The following RASGRP3 variants were observed in gnomAD, a reference collection of about 807,000 sequenced individuals.
The protein encoded by RASGRP3 is RAS guanyl releasing protein 3, also known as ras guanyl-releasing protein 3.
In RASGRP3, 54 loss-of-function variants were observed where a neutral mutation model predicts 82.7. That is an observed-to-expected ratio of 0.65 (90% CI 0.52 to 0.82). RASGRP3 has a LOEUF of 0.82. Among genes scored for constraint, RASGRP3 ranks in the 40% least tolerant of loss-of-function variants. The pLI, the probability that RASGRP3 is intolerant of heterozygous loss-of-function variation, is 0.00. For missense variants in RASGRP3, 861 were observed against 828.9 expected (o/e 1.04, Z -0.48); for synonymous variants, 309 against 300.5 (o/e 1.03, Z -0.29).
intron 2 of RASGRP3, among the ~76,000 whole-genome samples, chr2:33,514,178 G>C (rs1438686262): frequency 6.6e-6 from 1 of 152,124 alleles, no homozygotes; most frequent in Non-Finnish European, 1.5e-5. Context: ...TAAATTAACA[G>C]TAGTATTTTT....
chr2:33,557,053 A>G (rs966588313), intron 15 of RASGRP3, among the ~76,000 whole-genome samples: 1 of 152,220 alleles, frequency 6.6e-6, no homozygotes, highest in Admixed American at 6.5e-5. Flanking sequence ...ACTATTTGAA[A>G]CAAGGTCACT....
At chr2:33,493,462 A>G (rs1356082342) in intron 1 of RASGRP3, among the ~76,000 whole-genome samples, 1 of 152,228 alleles carries the variant, frequency 6.6e-6, no homozygotes, top group East Asian at 1.9e-4. Context: ...AGAGTTAAAA[A>G]GAGAAGCCAA....
chr2:33,545,331 C>T (rs1674631415), intron 13 of RASGRP3, among the ~76,000 whole-genome samples: 2 of 152,164 alleles, frequency 1.3e-5, no homozygotes, highest in Non-Finnish European at 2.9e-5. Context: ...TACTGTTTTC[C>T]AAACGATGTT....
chr2:33,506,593 T>C (rs891021757), intron 1 of RASGRP3, among the ~76,000 whole-genome samples: 1 of 152,194 alleles, frequency 6.6e-6, no homozygotes, highest in African/African-American at 2.4e-5. Flanking sequence ...GATTATTAAT[T>C]CCCCATTAAC....
upstream of RASGRP3, among the ~76,000 whole-genome samples, chr2:33,474,407 C>G (rs1475114025): frequency 3.3e-5 from 5 of 152,152 alleles, no homozygotes; most frequent in African/African-American, 1.2e-4. Flanking sequence ...GTGGTGCGGT[C>G]TTGATCTTGG....
intron 2 of RASGRP3, among the ~76,000 whole-genome samples, chr2:33,469,469 T>G (rs1039501677): frequency 6.6e-6 from 1 of 151,988 alleles, no homozygotes; most frequent in Non-Finnish European, 1.5e-5. Context: ...GTGATTTTTT[T>G]TTTTTTTTTG....
At chr2:33,448,621 A>G (rs909621520) in intron 2 of RASGRP3, among the ~76,000 whole-genome samples, 1 of 152,220 alleles carries the variant, frequency 6.6e-6, no homozygotes, top group African/African-American at 2.4e-5. Flanking sequence ...ATGCAGATTC[A>G]TAGAAACAGA....
intron 1 of RASGRP3, chr2:33,482,307 C>G (rs116061109): frequency 2.0e-5 from 3 of 152,286 alleles, no homozygotes; most frequent in Non-Finnish European, 4.4e-5. Context: ...AGCCACCGTG[C>G]CGGGCCGCAG....
At chr2:33,480,295 G>A (rs1017042835) in intron 1 of RASGRP3, among the ~76,000 whole-genome samples, 7 of 152,074 alleles carry the variant, frequency 4.6e-5, no homozygotes, top group East Asian at 1.9e-4. Flanking sequence ...CACCCGCCTC[G>A]GCCTCCCAAA....
chr2:33,520,153 C>T, intron 5 of RASGRP3, 139 bp downstream of exon 5: 1 of 693,670 alleles, frequency 1.4e-6, no homozygotes, highest in Non-Finnish European at 2.4e-6. Context: ...TTAAAATTGG[C>T]TCTCCTCTGT....
intron 2 of RASGRP3, among the ~76,000 whole-genome samples, chr2:33,470,734 A>C (rs13023895): frequency 6.6e-6 from 1 of 151,934 alleles, no homozygotes; most frequent in South Asian, 2.1e-4. Flanking sequence ...GGAAAATTTC[A>C]TATATTTCTG....
chr2:33,558,248 C>G lies in RASGRP3; in HGVS notation c.1617C>G (p.Leu539=). Residue 539 remains leucine (L), a synonymous_variant, in exon 16 of 18, where the codon CTC becomes CTG. Transcript: ENST00000403687. ...GANCHKQCKD[L]LVLACRRFAR... is the part of the protein sequence containing the mutation. ...ATTGTCACAAACAGTGCAAAGACCT[C>G]CTGGTTCTGGCCTGCAGGAGATTTG... is the stretch of plus-strand genomic sequence containing the variant. 6.2e-7 allele frequency: 1 copy of G among 1,612,612 alleles called. No homozygotes were observed. Among genetic ancestry groups the G allele is most frequent in the Non-Finnish European group, 8.5e-7 (1 of 1,179,408 alleles).
intron 2 of RASGRP3, among the ~76,000 whole-genome samples, chr2:33,464,477 TTA>T (rs1666571086): frequency 6.7e-6 from 1 of 148,704 alleles, no homozygotes; most frequent in Non-Finnish European, 1.5e-5. Flanking sequence ...TGATCTTTTT[TTA>T]AAAAAAAAAA....
rs181946100 is a variant in RASGRP3, at chr2:33,506,718, T to C, written c.-260-4992T>C. 6.3e-3 allele frequency among the ~76,000 whole-genome samples: 957 copies of C among 152,330 alleles called. 3 individuals carry two copies. The highest frequency in any genetic ancestry group is 9.9e-3 in the Non-Finnish European group (673 of 68,030). On this transcript the variant is annotated intron_variant, in intron 1 of 17. Coordinates refer to ENST00000403687, the MANE Select transcript of RASGRP3 (RefSeq NM_001139488.2). ...TGCAAGAAGGACAAAAAATTTCTTT[T>C]AGAGTTGAAAATTACAGTATTAAGT...
At chr2:33,494,665 T>C (rs1669154127) in intron 1 of RASGRP3, among the ~76,000 whole-genome samples, 1 of 152,176 alleles carries the variant, frequency 6.6e-6, no homozygotes, top group African/African-American at 2.4e-5. Flanking sequence ...TAGGTACATA[T>C]TTTTTTCTCA....
chr2:33,555,941 C>T (rs1428302483), intron 15 of RASGRP3, among the ~76,000 whole-genome samples: 3 of 152,230 alleles, frequency 2.0e-5, no homozygotes, highest in East Asian at 3.8e-4. Flanking sequence ...TCTTCCCACT[C>T]ACACTTAGCT....
intron 15 of RASGRP3, among the ~76,000 whole-genome samples, chr2:33,556,928 C>CACACACACACACACACACACATACAT (rs1553366467): frequency 6.1e-5 from 9 of 148,416 alleles, no homozygotes; most frequent in African/African-American, 2.3e-4. Flanking sequence ...CACACACACA[C>CACACACACACACACACACACATACAT]GCAATTTTAT....
Position 33,540,553 on chromosome 2 carries a change from G to T in RASGRP3, c.1278+1343G>T, listed in dbSNP as rs1361156687. Among the ~76,000 whole-genome samples, 26 of 126,076 alleles carry T rather than the reference G, an allele frequency of 2.1e-4. 2 individuals carry two copies. Among genetic ancestry groups the T allele is most frequent in the African/African-American group, 7.6e-4 (26 of 34,358 alleles). The allele number at this position is 126,076 out of a possible 152,430, so 82.7% of individuals were successfully genotyped here. On this transcript the variant is annotated intron_variant, in intron 12 of 17. Transcript: ENST00000403687. ...TCTCTCTCTCTCTCTCTGTGTGTGT[G>T]TTTTGTGTGTGTGTGTGTGTGTGTG... is the stretch of plus-strand genomic sequence containing the variant.
chr2:33,450,180 CA>C (rs1416721841), intron 2 of RASGRP3, among the ~76,000 whole-genome samples: 1 of 152,098 alleles, frequency 6.6e-6, no homozygotes, highest in Non-Finnish European at 1.5e-5. Context: ...GTATACATTA[CA>C]AAAAGATCAA....
Sources: gnomAD v4.1 joint callset for allele counts (sites outside exome capture counted in the v4.1 genomes callset) on GRCh38, gnomAD v4.1.1 for gene constraint, MANE v1.5 for transcripts, NCBI Gene and HGNC (gene_info 2026-07-23, HGNC 2026-07-21) for gene names.